Variants in CD81 observed in about 807,000 individuals in gnomAD.
The protein encoded by CD81 is CD81 molecule, also known as CD81 antigen.
CD81 carries 10 observed loss-of-function variants against 30.1 expected under a neutral mutation model. That is an observed-to-expected ratio of 0.33 (90% CI 0.21 to 0.56). The LOEUF is 0.56. Ranked by LOEUF, CD81 falls within the 20% of genes least tolerant of loss-of-function variation. The pLI is 0.89. For synonymous variants in CD81, 147 were observed against 126.4 expected, an observed-to-expected ratio of 1.16 and a Z score of -1.10; for missense variants, 263 against 308.7, an observed-to-expected ratio of 0.85 and a Z score of 1.11.
intron 1 of CD81, among the ~76,000 whole-genome samples, chr11:2,385,000 A>G (rs1849765208): frequency 1.3e-5 from 2 of 152,008 alleles, no homozygotes; most frequent in Non-Finnish European, 2.9e-5. Context: ...TCCAGTCCTA[A>G]CTTTGATGGA....
chr11:2,394,960 G>A lies in CD81; in HGVS notation c.280-12G>A, dbSNP rs1300809707. The A allele has an allele frequency of 6.2e-7, 1 of 1,612,044 alleles. No individual in the cohort carries two copies. The highest frequency in any genetic ancestry group is 1.7e-5 in the Admixed American group (1 of 60,028). ...GCCCTCTTTCCTCCCTCTGGCCACT[G>A]CCCGGCTCCAGTTCTTCACCTGCCT... On this transcript the variant is annotated splice_polypyrimidine_tract_variant and intron_variant, in intron 3 of 7. Coordinates refer to ENST00000263645, the MANE Select transcript of CD81 (RefSeq NM_004356.4).
At chr11:2,385,887 A>G (rs2133449186) in intron 1 of CD81, 2 of 648,574 alleles carry the variant, frequency 3.1e-6, no homozygotes, top group Non-Finnish European at 5.7e-6. Context: ...TCTTGTGTGA[A>G]CCTAAGTTCA....
At chr11:2,395,095 C>T (rs1403088630) in intron 4 of CD81, 49 bp downstream of exon 4, 2 of 1,494,530 alleles carry the variant, frequency 1.3e-6, no homozygotes, top group African/African-American at 2.8e-5. Context: ...CGGGGGCACC[C>T]TCCTCTCCTG....
chr11:2,395,554 G>T, intron 5 of CD81, 34 bp downstream of exon 5: 2 of 1,547,600 alleles, frequency 1.3e-6, no homozygotes, highest in Non-Finnish European at 1.8e-6. Context: ...GGGGAGCAGG[G>T]CCCCGGGAAC....
chr11:2,380,549 GT>G (rs1849688161), intron 1 of CD81, among the ~76,000 whole-genome samples: 1 of 152,186 alleles, frequency 6.6e-6, no homozygotes, highest in Non-Finnish European at 1.5e-5. Context: ...TTGGGGGCCA[GT>G]GAGAACTGGG....
intron 1 of CD81, among the ~76,000 whole-genome samples, chr11:2,383,923 C>T (rs1387790339): frequency 6.6e-6 from 1 of 152,100 alleles, no homozygotes. Flanking sequence ...GAGCTCCCAC[C>T]CGAAGTTCTG....
chr11:2,396,019 CT>C (rs569782663), intron 6 of CD81, 49 bp downstream of exon 6: 309 of 1,233,596 alleles, frequency 2.5e-4, no homozygotes, highest in Non-Finnish European at 3.5e-4. Context: ...TGTCCCGCCC[CT>C]GGGTGGGGTC....
At chr11:2,385,517 C>T (rs1444754017) in intron 1 of CD81, 1 of 243,382 alleles carries the variant, frequency 4.1e-6, no homozygotes, top group Non-Finnish European at 8.3e-6. Context: ...CGTCTATGCA[C>T]CCGTGCTGTG....
rs1026974193 is a variant in CD81, at chr11:2,378,287, C to T, written c.66+672C>T. 3.9e-5 allele frequency among the ~76,000 whole-genome samples: 6 copies of T among 152,170 alleles called. No homozygotes were observed. Among genetic ancestry groups the T allele is most frequent in the Non-Finnish European group, 5.9e-5 (4 of 68,024 alleles). ...GCCGTCCCTGCCTGGGAGCCGATCT[C>T]CCTCTCCTCACCCAGACACGTTCCA... On this transcript the variant is annotated intron_variant, in intron 1 of 7. Coordinates refer to ENST00000263645, the MANE Select transcript of CD81 (RefSeq NM_004356.4). The surrounding 1 kb of genome is among the most constrained non-coding windows in gnomAD (Gnocchi z 4.9).
chr11:2,382,147 G>T (rs1171897126), intron 1 of CD81, among the ~76,000 whole-genome samples: 1 of 152,244 alleles, frequency 6.6e-6, no homozygotes, highest in Non-Finnish European at 1.5e-5. Flanking sequence ...CACTTTTGGG[G>T]CTGTAGGCTT....
At chr11:2,385,820 TGGGTTGTTTCAGTTTG>T (rs1258363796) in intron 1 of CD81, 1 of 634,838 alleles carries the variant, frequency 1.6e-6, no homozygotes, top group Non-Finnish European at 2.9e-6. Flanking sequence ...AGTGGGCATA[TGGGTTGTTTCAGTTTG>T]GGGCATTTAC....
intron 1 of CD81, among the ~76,000 whole-genome samples, chr11:2,388,316 C>A (rs1849832717): frequency 6.7e-6 from 1 of 148,532 alleles, no homozygotes; most frequent in African/African-American, 2.6e-5. Context: ...GCTCCTCCAC[C>A]CACCCGAACC....
intron 5 of CD81, 111 bp downstream of exon 5, chr11:2,395,631 C>T (rs1183942720): frequency 5.6e-6 from 5 of 889,494 alleles, no homozygotes; most frequent in Admixed American, 2.0e-5. Context: ...AGGAGGTGCC[C>T]TTGGGACCTC....
chr11:2,395,891 C>G lies in CD81; in HGVS notation c.482C>G (p.Thr161Arg). 6.2e-7 allele frequency: 1 copy of G among 1,612,012 alleles called. No individual in the cohort carries two copies. Among genetic ancestry groups the G allele is most frequent in the South Asian group, 1.1e-5 (1 of 91,084 alleles). Residue 161 changes from threonine (T) to arginine (R), a missense_variant, in exon 6 of 8, where the codon ACA (threonine) becomes AGA (arginine). Coordinates refer to ENST00000263645, the MANE Select transcript of CD81 (RefSeq NM_004356.4). ...CAGCTTGACTGCTGTGGCTCCAGCACACTGACTGCTTTGACCACCTCAGTG... is the reference window on the plus strand; with the variant it reads ...CAGCTTGACTGCTGTGGCTCCAGCAGACTGACTGCTTTGACCACCTCAGTG... ...HETLDCCGSSTLTALTTSVLK... is the reference protein window; with the variant it reads ...HETLDCCGSSRLTALTTSVLK...
chr11:2,390,445 T>G lies in CD81; in HGVS notation c.100T>G (p.Trp34Gly). Residue 34 changes from tryptophan (W) to glycine (G), a missense_variant, in exon 2 of 8, where the codon TGG becomes GGG. Trp to Gly is a radical substitution (Grantham distance 184, BLOSUM62 -2). Around this residue, in one of 3 missense-constraint regions of CD81, gnomAD observed 84 missense variants for 98.2 expected, o/e 0.86. Coordinates refer to ENST00000263645, the MANE Select transcript of CD81 (RefSeq NM_004356.4). ...AGGVILGVAL[W>G]LRHDPQTTNL... The stretch of plus-strand genomic sequence containing the variant: ...AGGCGTGATCCTGGGTGTGGCCCTG[T>G]GGCTCCGCCATGACCCGCAGACCAC... 1 of 1,612,944 alleles carries G rather than the reference T, an allele frequency of 6.2e-7. No individual in the cohort carries two copies. The highest frequency in any genetic ancestry group is 2.2e-5 in the East Asian group (1 of 44,876).
rs1203430640 is a variant in CD81, at chr11:2,377,554, G to T, written c.5G>T (p.Gly2Val). ...CCGCCCGCCGCCCGCGCCGCCATGG[G>T]AGTGGAGGGCTGCACCAAGTGCATC... M[G>V]VEGCTKCIKY... Residue 2 changes from glycine to valine, a missense_variant, in exon 1 of 8, where the codon GGA (glycine) becomes GTA (valine). Coordinates refer to ENST00000263645, the MANE Select transcript of CD81 (RefSeq NM_004356.4). The surrounding 1 kb of genome is among the most constrained non-coding windows in gnomAD (Gnocchi z 7.7). The T allele has an allele frequency of 6.8e-7, 1 of 1,470,296 alleles. No homozygotes were observed. The highest frequency in any genetic ancestry group is 1.2e-5 in the South Asian group (1 of 81,306). The allele number at this position is 1,470,296 out of a possible 1,614,324, so 91.1% of individuals were successfully genotyped here.
intron 4 of CD81, 78 bp from the exon 5 acceptor site, chr11:2,395,338 C>T (rs1002143802): frequency 4.3e-6 from 5 of 1,154,988 alleles, no homozygotes; most frequent in Non-Finnish European, 6.4e-6. Flanking sequence ...GGGAAAAGTG[C>T]GTCCGCCTGG....
At chr11:2,391,312 C>T (rs1458504506) in intron 2 of CD81, 1 of 153,028 alleles carries the variant, frequency 6.5e-6, no homozygotes, top group Non-Finnish European at 1.5e-5. Context: ...TGTCCCCAGT[C>T]CTCAGGGCTT....
At chr11:2,388,247 G>C (rs2133452298) in intron 1 of CD81, among the ~76,000 whole-genome samples, 1 of 152,318 alleles carries the variant, frequency 6.6e-6, no homozygotes, top group South Asian at 2.1e-4. Flanking sequence ...CCCAGCTCAG[G>C]TCCCGGAGGA....
Sources: allele counts gnomAD v4.1 joint callset (sites outside exome capture counted in the v4.1 genomes callset), GRCh38; gene constraint gnomAD v4.1.1; regional missense constraint gnomAD v4.1.1; non-coding constraint Gnocchi (gnomAD v3.1); transcripts MANE v1.5; gene names NCBI Gene and HGNC (gene_info 2026-07-23, HGNC 2026-07-21).